SPAG16: variants seen among roughly 807,000 people sequenced by gnomAD.
SPAG16 encodes sperm-associated antigen 16 protein.
In SPAG16, 86 loss-of-function variants were observed where a neutral mutation model predicts 80.4. The observed-to-expected ratio is 1.07, with a 90% CI of 0.90 to 1.28. The LOEUF (loss-of-function observed/expected upper bound fraction) is 1.28, where lower values mean the gene tolerates loss of function less well. Among genes scored for constraint, SPAG16 ranks in the 50% most tolerant of loss-of-function variants. The pLI is 0.00. For synonymous variants in SPAG16, 294 were observed against 265.9 expected (o/e 1.11, Z -1.03); for missense variants, 870 against 765.3 (o/e 1.14, Z -1.61).
chr2:213,429,849 C>T (rs1485348757), intron 9 of SPAG16, among the ~76,000 whole-genome samples: 1 of 152,000 alleles, frequency 6.6e-6, no homozygotes, highest in East Asian at 1.9e-4. Context: ...GTCCTGCCCC[C>T]AAGAAAATAA....
At position 213,604,653 on chromosome 2, in the gene SPAG16, A is replaced by G. The variant is rs577721220; in HGVS notation, c.1070+114563A>G. Among the ~76,000 whole-genome samples the G allele has an allele frequency of 2.6e-5, 4 of 152,228 alleles. No individual in the cohort carries two copies. In the South Asian group the frequency reaches 8.3e-4, roughly 32 times the overall value. On this transcript the variant is annotated intron_variant, in intron 10 of 15. Transcript: ENST00000331683. ...ATTGCTACTGCCATATTATAGATCT[A>G]CATTATTTATTAAATTGTAAGCTGT...
At chr2:214,265,438 T>A (rs1402337141) in intron 15 of SPAG16, among the ~76,000 whole-genome samples, 1 of 152,138 alleles carries the variant, frequency 6.6e-6, no homozygotes, top group African/African-American at 2.4e-5. Context: ...TTTTGCACAC[T>A]TTTTAATTGA....
chr2:214,021,748 C>T (rs929953928), intron 13 of SPAG16, among the ~76,000 whole-genome samples: 3 of 152,146 alleles, frequency 2.0e-5, no homozygotes, highest in Non-Finnish European at 4.4e-5. Context: ...TTACACCTTG[C>T]TTTGAACACC....
At chr2:214,299,750 T>G (rs1163561668) in intron 15 of SPAG16, among the ~76,000 whole-genome samples, 1 of 152,214 alleles carries the variant, frequency 6.6e-6, no homozygotes, top group African/African-American at 2.4e-5. Flanking sequence ...AATCTCAGGT[T>G]AAACTTTTTA....
chr2:213,455,652 A>G (rs2071956475), intron 9 of SPAG16, among the ~76,000 whole-genome samples: 1 of 152,150 alleles, frequency 6.6e-6, no homozygotes, highest in Non-Finnish European at 1.5e-5. Context: ...AGGCATTAGA[A>G]TCTTATAAGG....
chr2:214,306,540 G>A (rs958232535), intron 15 of SPAG16, among the ~76,000 whole-genome samples: 2 of 152,116 alleles, frequency 1.3e-5, no homozygotes, highest in Admixed American at 6.5e-5. Flanking sequence ...ATTATTTTGA[G>A]GTATGTGTCT....
At position 213,759,890 on chromosome 2, in the gene SPAG16, C is replaced by G. The variant is rs554322177; in HGVS notation, c.1071-102595C>G. Among the ~76,000 whole-genome samples the G allele has an allele frequency of 1.8e-4, 28 of 152,008 alleles. No individual in the cohort carries two copies. In the South Asian group the frequency reaches 5.8e-3, roughly 32 times the overall value. On this transcript the variant is annotated intron_variant, in intron 10 of 15. Transcript: ENST00000331683. ...TCTCTACTAAAAATACAAAAAATAG[C>G]TAGGTGTGGTGGCACATGCCTATAG...
chr2:213,526,184 T>C (rs2075879966), intron 10 of SPAG16, among the ~76,000 whole-genome samples: 1 of 152,288 alleles, frequency 6.6e-6, no homozygotes, highest in Middle Eastern at 3.4e-3. Context: ...ATGCACTTTC[T>C]TTCTCTCCAG....
At chr2:213,394,022 C>T (rs2067908952) in intron 9 of SPAG16, among the ~76,000 whole-genome samples, 1 of 151,946 alleles carries the variant, frequency 6.6e-6, no homozygotes, top group Non-Finnish European at 1.5e-5. Flanking sequence ...CACATGGTGA[C>T]TTATATTTTC....
intron 9 of SPAG16, among the ~76,000 whole-genome samples, chr2:213,473,846 G>T (rs898349933): frequency 6.6e-6 from 1 of 152,098 alleles, no homozygotes; most frequent in Non-Finnish European, 1.5e-5. Context: ...ACACCTCCTC[G>T]TGGTCACACT....
rs1350038595 is a variant in SPAG16, at chr2:214,108,471, ACACACACACCCC to A, written c.1593+223_1593+234del. On this transcript the variant is annotated intron_variant, in intron 14 of 15. Coordinates refer to ENST00000331683, the MANE Select transcript of SPAG16 (RefSeq NM_024532.5). ...CACACACACACACACACACACACACACACACACACCCCCACACACACCCCAAGTCGTAGCAGG... is the reference window on the plus strand; with the variant it reads ...CACACACACACACACACACACACACACACACACACCCCAAGTCGTAGCAGG... Among the ~76,000 whole-genome samples the A allele has an allele frequency of 5.6e-3, 441 of 78,352 alleles. 2 individuals are homozygous for A. The highest frequency in any genetic ancestry group is 0.029 in the Middle Eastern group (4 of 140). 51.4% of individuals were successfully genotyped at this position (78,352 alleles called of 152,430 possible).
chr2:213,405,368 A>C lies in SPAG16; in HGVS notation c.942+30249A>C, dbSNP rs12467894. On this transcript the variant is annotated intron_variant, in intron 9 of 15. Coordinates refer to ENST00000331683, the MANE Select transcript of SPAG16 (RefSeq NM_024532.5). ...TCATGGATACATAATAGTTACACAT[A>C]TATATGGGGTACATGTGATATTTTG... is the stretch of plus-strand genomic sequence containing the variant. Among the ~76,000 whole-genome samples the C allele has an allele frequency of 6.1e-3, 926 of 152,348 alleles. 5 individuals carry two copies. The highest frequency in any genetic ancestry group is 0.012 in the Admixed American group (179 of 15,302).
intron 10 of SPAG16, among the ~76,000 whole-genome samples, chr2:213,702,316 G>C (rs112296231): frequency 4.2e-4 from 64 of 152,298 alleles, no homozygotes; most frequent in Non-Finnish European, 6.0e-4. Flanking sequence ...GCGGCAACCC[G>C]CTTGGGTCTC....
At chr2:213,994,872 C>T (rs1341472891) in intron 12 of SPAG16, among the ~76,000 whole-genome samples, 1 of 152,050 alleles carries the variant, frequency 6.6e-6, no homozygotes, top group Non-Finnish European at 1.5e-5. Flanking sequence ...TCTTGGATAA[C>T]CCTGAATATT....
chr2:214,226,916 T>C (rs941210126), intron 15 of SPAG16, among the ~76,000 whole-genome samples: 19 of 151,976 alleles, frequency 1.3e-4, no homozygotes, highest in Non-Finnish European at 1.9e-4. Context: ...TTTTTCTCTT[T>C]TATTGACATC....
At chr2:214,389,160 C>T (rs1700924545) in intron 15 of SPAG16, among the ~76,000 whole-genome samples, 1 of 152,104 alleles carries the variant, frequency 6.6e-6, no homozygotes, top group Non-Finnish European at 1.5e-5. Flanking sequence ...ACAAGTCAAG[C>T]CAAAAATATA....
At chr2:213,370,693 A>G (rs1247764396) in intron 8 of SPAG16, among the ~76,000 whole-genome samples, 1 of 152,222 alleles carries the variant, frequency 6.6e-6, no homozygotes, top group Non-Finnish European at 1.5e-5. Context: ...TATCCTTGAC[A>G]TATCAATTAA....
intron 10 of SPAG16, among the ~76,000 whole-genome samples, chr2:213,782,119 G>A (rs1051405681): frequency 6.6e-6 from 1 of 151,044 alleles, no homozygotes; most frequent in Non-Finnish European, 1.5e-5. Context: ...TTCAAAGTCT[G>A]TGGGTTTATT....
chr2:214,063,475 C>A lies in SPAG16; in HGVS notation c.1528-44721C>A, dbSNP rs537218768. Among the ~76,000 whole-genome samples, 113 of 152,322 alleles carry A rather than the reference C, an allele frequency of 7.4e-4. 1 individual carries two copies. In the South Asian group the frequency reaches 8.3e-3, roughly 11 times the overall value. Reference sequence around the variant, plus strand: ...GGAGAGGAGGAGCACTGTGTCTTCACATGGCAGGAGAAACAGGTCAACAAT... The same window carrying A: ...GGAGAGGAGGAGCACTGTGTCTTCAAATGGCAGGAGAAACAGGTCAACAAT... On this transcript the variant is annotated intron_variant, in intron 13 of 15. Coordinates refer to ENST00000331683, the MANE Select transcript of SPAG16 (RefSeq NM_024532.5).
Sources: gnomAD v4.1 joint callset for allele counts (sites outside exome capture counted in the v4.1 genomes callset) on GRCh38, gnomAD v4.1.1 for gene constraint, MANE v1.5 for transcripts, NCBI Gene and HGNC (gene_info 2026-07-23, HGNC 2026-07-21) for gene names.